The following SLIT3 variants were observed in gnomAD, a reference collection of about 807,000 sequenced individuals.
SLIT3 encodes slit homolog 3 protein.
In SLIT3, 68 loss-of-function variants were observed where a neutral mutation model predicts 184.0. The ratio of observed to expected loss-of-function variants is 0.37; its 90% CI spans 0.30 to 0.45. The LOEUF (loss-of-function observed/expected upper bound fraction) is 0.45. Ranked by LOEUF, SLIT3 falls within the 20% of genes least tolerant of loss-of-function variation. The probability of loss-of-function intolerance (pLI) is 1.00; values close to 1 mark genes in which losing one functional copy is unlikely to be tolerated. For missense variants in SLIT3, 1,707 were observed against 2,026.0 expected, an observed-to-expected ratio of 0.84 and a Z score of 3.02; for synonymous variants, 831 against 828.6, an observed-to-expected ratio of 1.00 and a Z score of -0.05.
chr5:169,044,571 G>A (rs568996454), intron 4 of SLIT3, among the ~76,000 whole-genome samples: 1 of 146,864 alleles, frequency 6.8e-6, no homozygotes, highest in South Asian at 2.2e-4. Context: ...AGTATTTGCT[G>A]GGGGCTGGAG....
At chr5:169,034,600 A>AAC (rs771362316) in intron 4 of SLIT3, among the ~76,000 whole-genome samples, 4 of 152,184 alleles carry the variant, frequency 2.6e-5, no homozygotes, top group Non-Finnish European at 5.9e-5. Flanking sequence ...ATATAAAATT[A>AAC]ACATGGCCTT....
intron 10 of SLIT3, chr5:168,792,476 G>C (rs974528657): frequency 6.6e-6 from 1 of 152,222 alleles, no homozygotes. Flanking sequence ...TCAGACCCAC[G>C]TTGGTCCTCT....
At chr5:169,154,378 C>G (rs1762229884) in intron 4 of SLIT3, among the ~76,000 whole-genome samples, 1 of 152,178 alleles carries the variant, frequency 6.6e-6, no homozygotes, top group Non-Finnish European at 1.5e-5. Context: ...TTGGCCATAC[C>G]CTGCACTTCC....
At chr5:168,994,968 C>A (rs1314146297) in intron 4 of SLIT3, among the ~76,000 whole-genome samples, 1 of 152,058 alleles carries the variant, frequency 6.6e-6, no homozygotes, top group East Asian at 1.9e-4. Flanking sequence ...CATGTCTTGT[C>A]TCCTATAATG....
chr5:168,752,345 AC>A (rs1416395736), intron 18 of SLIT3: 2 of 144,568 alleles, frequency 1.4e-5, no homozygotes, highest in African/African-American at 5.2e-5. Context: ...CCTCCCACTT[AC>A]CTTCCAGAAT....
intron 4 of SLIT3, among the ~76,000 whole-genome samples, chr5:168,917,800 T>C (rs1761491708): frequency 6.6e-6 from 1 of 152,250 alleles, no homozygotes; most frequent in Non-Finnish European, 1.5e-5. Flanking sequence ...CAGTATTGTG[T>C]GATTCTTTTT....
intron 1 of SLIT3, among the ~76,000 whole-genome samples, chr5:169,290,289 G>T (rs74659379): frequency 0.014 from 1,944 of 143,478 alleles, 34 homozygotes; most frequent in African/African-American, 0.048. Flanking sequence ...TAGGGCACAC[G>T]CTAGGGCGCG....
At chr5:168,789,867 C>G in intron 10 of SLIT3, 1 of 494,054 alleles carries the variant, frequency 2.0e-6, no homozygotes. Context: ...AATACTCACC[C>G]GTGGCATCTT....
At chr5:168,755,389 ATTTCTTTCTTTCTTTCTTTC>A (rs139729506) in intron 16 of SLIT3, among the ~76,000 whole-genome samples, 3,724 of 133,726 alleles carry the variant, frequency 0.028, 219 homozygotes, top group Middle Eastern at 0.044. Context: ...CAGTGCCGCC[ATTTCTTTCTTTCTTTCTTTC>A]TTTCTTTCTT....
At chr5:168,738,777 A>C (rs1193259733) in intron 20 of SLIT3, among the ~76,000 whole-genome samples, 14 of 152,112 alleles carry the variant, frequency 9.2e-5, no homozygotes, top group Admixed American at 8.5e-4. Flanking sequence ...TCTCTACTAA[A>C]AATACAAAAA....
At chr5:169,257,307 C>T (rs963901807) in intron 1 of SLIT3, among the ~76,000 whole-genome samples, 2 of 151,858 alleles carry the variant, frequency 1.3e-5, no homozygotes, top group African/African-American at 2.4e-5. Flanking sequence ...TGAAAGAACC[C>T]GAGTCCCTGA....
intron 2 of SLIT3, among the ~76,000 whole-genome samples, chr5:169,251,009 T>A (rs1765755755): frequency 1.3e-5 from 2 of 152,196 alleles, no homozygotes; most frequent in African/African-American, 4.8e-5. Context: ...ACAAGACAGA[T>A]AACTTTTGTC....
At chr5:169,280,871 CAT>C (rs1185559575) in intron 1 of SLIT3, among the ~76,000 whole-genome samples, 2 of 152,146 alleles carry the variant, frequency 1.3e-5, no homozygotes, top group East Asian at 3.8e-4. Flanking sequence ...CGAGAACAGT[CAT>C]ACATATAACA....
At chr5:168,867,357 C>A (rs1038986080) in intron 5 of SLIT3, among the ~76,000 whole-genome samples, 1 of 152,140 alleles carries the variant, frequency 6.6e-6, no homozygotes, top group Admixed American at 6.5e-5. Context: ...TGACAAGAGT[C>A]GAGATGGTGC....
At chr5:169,235,317 A>G (rs894716877) in intron 3 of SLIT3, among the ~76,000 whole-genome samples, 12 of 152,078 alleles carry the variant, frequency 7.9e-5, no homozygotes, top group Non-Finnish European at 8.8e-5. Context: ...AAATATATGT[A>G]TGTATTTTTG....
intron 4 of SLIT3, among the ~76,000 whole-genome samples, chr5:169,173,253 C>T (rs900370473): frequency 2.0e-5 from 3 of 152,076 alleles, no homozygotes; most frequent in Admixed American, 6.6e-5. Context: ...AAGAGTGAAA[C>T]GCCATCTCAA....
intron 1 of SLIT3, among the ~76,000 whole-genome samples, chr5:169,272,847 T>G (rs1286792829): frequency 2.0e-5 from 3 of 152,064 alleles, no homozygotes; most frequent in East Asian, 1.9e-4. Context: ...CTGGGCTGAG[T>G]GCACACGCGC....
intron 20 of SLIT3, among the ~76,000 whole-genome samples, chr5:168,740,002 G>A (rs1277415320): frequency 1.3e-5 from 2 of 152,174 alleles, no homozygotes; most frequent in Non-Finnish European, 2.9e-5. Flanking sequence ...TGGAATTAAT[G>A]CATATTTTAA....
chr5:168,936,902 G>A lies in SLIT3; in HGVS notation c.414-53566C>T, dbSNP rs1263131731. The stretch of plus-strand genomic sequence containing the variant: ...ATTTAAGCATAATCCATGCTGTCCT[G>A]GAGCTTCTACTTTGGGGGATGTACT... On this transcript the variant is annotated intron_variant, in intron 4 of 35. Coordinates refer to ENST00000519560, the MANE Select transcript of SLIT3 (RefSeq NM_003062.4). Among the ~76,000 whole-genome samples the A allele has an allele frequency of 2.0e-5, 3 of 152,160 alleles. No individual in the cohort carries two copies. The South Asian group carries it at 6.2e-4, about 32-fold the overall frequency.
Sources: gnomAD v4.1 joint callset for allele counts (sites outside exome capture counted in the v4.1 genomes callset) on GRCh38, gnomAD v4.1.1 for gene constraint, MANE v1.5 for transcripts, NCBI Gene and HGNC (gene_info 2026-07-23, HGNC 2026-07-21) for gene names.